RAPGEF5: variants seen among roughly 807,000 people sequenced by gnomAD.
RAPGEF5 encodes the protein M-Ras-regulated GEF.
RAPGEF5 carries 65 observed loss-of-function variants against 125.2 expected under a neutral mutation model. The observed-to-expected ratio is 0.52, with a 90% CI of 0.43 to 0.64. The LOEUF (loss-of-function observed/expected upper bound fraction) is 0.64. Among genes scored for constraint, RAPGEF5 ranks in the 30% least tolerant of loss-of-function variants. RAPGEF5 has a pLI of 0.00. For missense variants in RAPGEF5, 958 were observed against 1,048.1 expected (o/e 0.91, Z 1.19); for synonymous variants, 391 against 385.9 (o/e 1.01, Z -0.16).
intron 1 of RAPGEF5, among the ~76,000 whole-genome samples, chr7:22,332,346 G>A (rs1034101223): frequency 1.3e-5 from 2 of 152,094 alleles, no homozygotes; most frequent in South Asian, 2.1e-4. Context: ...ACCTTAGAAA[G>A]GTAATCATGA....
intron 5 of RAPGEF5, among the ~76,000 whole-genome samples, chr7:22,296,726 G>C (rs1192797033): frequency 6.6e-6 from 1 of 152,132 alleles, no homozygotes; most frequent in Admixed American, 6.5e-5. Flanking sequence ...TCTTTCCAGG[G>C]TCAGCAAGGC....
At position 22,122,515 on chromosome 7, in the gene RAPGEF5, A is replaced by C; in HGVS notation, c.2543T>G (p.Leu848Arg). Residue 848 changes from leucine to arginine, a missense_variant, in exon 26 of 26, where the codon CTG becomes CGG. Transcript: ENST00000665637. ...RHCRTNQFGD[L>R]SPKEHQELKS... is the part of the protein sequence containing the mutation. ...TAACTCTTGATGCTCTTTTGGAGAC[A>C]GGTCACCTGTTGTTTAGAGGGGGAA... 6.2e-7 allele frequency: 1 copy of C among 1,610,860 alleles called. No homozygotes were observed.
intron 8 of RAPGEF5, among the ~76,000 whole-genome samples, chr7:22,227,177 T>C (rs1785938526): frequency 6.6e-6 from 1 of 151,790 alleles, no homozygotes; most frequent in Non-Finnish European, 1.5e-5. Context: ...AGCTCAGACT[T>C]GTATACATTC....
At chr7:22,126,762 T>C (rs964754951) in intron 24 of RAPGEF5, among the ~76,000 whole-genome samples, 1 of 76 alleles carries the variant, frequency 0.013, no homozygotes, top group African/African-American at 0.042. Context: ...TACTGGCATA[T>C]GCATCATACC....
intron 24 of RAPGEF5, among the ~76,000 whole-genome samples, chr7:22,127,599 A>G (rs927244848): frequency 6.6e-6 from 1 of 152,256 alleles, no homozygotes; most frequent in African/African-American, 2.4e-5. Context: ...TTGAGAATCA[A>G]CAGTAGCTCT....
chr7:22,324,454 A>G (rs1783776121), intron 1 of RAPGEF5, among the ~76,000 whole-genome samples: 1 of 152,178 alleles, frequency 6.6e-6, no homozygotes, highest in African/African-American at 2.4e-5. Flanking sequence ...ATTTTAGTTA[A>G]TCGTGTGGAT....
chr7:22,326,104 T>C (rs1736890683), intron 1 of RAPGEF5, among the ~76,000 whole-genome samples: 1 of 152,166 alleles, frequency 6.6e-6, no homozygotes, highest in Non-Finnish European at 1.5e-5. Context: ...AATGTGTCTT[T>C]TCAATTTGTA....
chr7:22,278,059 G>T (rs1782597699), intron 6 of RAPGEF5, among the ~76,000 whole-genome samples: 1 of 152,060 alleles, frequency 6.6e-6, no homozygotes, highest in African/African-American at 2.4e-5. Flanking sequence ...TGCTAATACA[G>T]CCTAGCTCTG....
intron 7 of RAPGEF5, among the ~76,000 whole-genome samples, chr7:22,238,106 G>C (rs1786238773): frequency 6.6e-6 from 1 of 152,162 alleles, no homozygotes; most frequent in Non-Finnish European, 1.5e-5. Context: ...AAAACCTCTG[G>C]TAGAGGTCCT....
rs60354767 is a variant in RAPGEF5, at chr7:22,157,827, A to G, written c.1557+28T>C. 6.8e-4 allele frequency: 1,087 copies of G among 1,601,018 alleles called. 9 individuals carry two copies. The African/African-American group carries it at 0.013, about 20-fold the overall frequency. On this transcript the variant is annotated intron_variant, in intron 15 of 25. Transcript: ENST00000665637. ...GCAAGGTCTCCAAACCGGATCACCT[A>G]ATTTTAGGTATAGAAGCATCTGCTT...
chr7:22,139,945 T>C (rs1321072515), intron 21 of RAPGEF5, 80 bp downstream of exon 21: 1 of 1,225,464 alleles, frequency 8.2e-7, no homozygotes, highest in Non-Finnish European at 1.2e-6. Flanking sequence ...TTTAGTTTAG[T>C]AGTACTTATC....
At chr7:22,190,176 A>T (rs1434422035) in intron 11 of RAPGEF5, among the ~76,000 whole-genome samples, 3 of 152,152 alleles carry the variant, frequency 2.0e-5, no homozygotes, top group African/African-American at 7.2e-5. Flanking sequence ...GCTACTCTGG[A>T]GGCTGAGGCA....
intron 21 of RAPGEF5, among the ~76,000 whole-genome samples, chr7:22,139,022 A>T (rs1783169109): frequency 6.6e-6 from 1 of 151,992 alleles, no homozygotes; most frequent in South Asian, 2.1e-4. Context: ...AGGAGGACTG[A>T]CTCTGACCCT....
At chr7:22,326,353 C>A (rs184975419) in intron 1 of RAPGEF5, among the ~76,000 whole-genome samples, 172 of 152,306 alleles carry the variant, frequency 1.1e-3, no homozygotes, top group Middle Eastern at 3.4e-3. Context: ...CCGGTTGCCA[C>A]CTGTTTCATA....
At chr7:22,256,888 C>T (rs1786775535) in intron 7 of RAPGEF5, among the ~76,000 whole-genome samples, 1 of 152,232 alleles carries the variant, frequency 6.6e-6, no homozygotes, top group Non-Finnish European at 1.5e-5. Context: ...ATGCTATTCA[C>T]ATCCACTAAG....
chr7:22,304,339 C>T (rs1783282141), intron 5 of RAPGEF5, among the ~76,000 whole-genome samples: 1 of 152,154 alleles, frequency 6.6e-6, no homozygotes, highest in Non-Finnish European at 1.5e-5. Context: ...CACATTCACA[C>T]CAACAGAAAA....
chr7:22,272,187 C>CA (rs775287640), intron 6 of RAPGEF5, among the ~76,000 whole-genome samples: 167 of 151,514 alleles, frequency 1.1e-3, no homozygotes, highest in Non-Finnish European at 2.0e-3. Flanking sequence ...ACTAAAAATA[C>CA]AAAAAAATTA....
chr7:22,274,152 C>T (rs760751894), intron 6 of RAPGEF5, among the ~76,000 whole-genome samples: 5 of 152,116 alleles, frequency 3.3e-5, no homozygotes, highest in Non-Finnish European at 7.3e-5. Flanking sequence ...ACTTTGATGT[C>T]CCTTAGTGAT....
intron 5 of RAPGEF5, among the ~76,000 whole-genome samples, chr7:22,306,131 C>G (rs914099758): frequency 1.3e-5 from 2 of 152,182 alleles, no homozygotes; most frequent in Non-Finnish European, 2.9e-5. Flanking sequence ...TCAAACTGTT[C>G]TCCATAATGG....
Sources: allele counts gnomAD v4.1 joint callset (sites outside exome capture counted in the v4.1 genomes callset), GRCh38; gene constraint gnomAD v4.1.1; transcripts MANE v1.5; gene names NCBI Gene and HGNC (gene_info 2026-07-23, HGNC 2026-07-21).